MGAT5B: variants seen among roughly 807,000 people sequenced by gnomAD.
MGAT5B encodes N-acetylglucosaminyl-transferase Vb.
Under a neutral mutation model 95.1 loss-of-function variants are expected in MGAT5B, and 54 were observed. The ratio of observed to expected loss-of-function variants is 0.57; its 90% confidence interval spans 0.46 to 0.71. The LOEUF is 0.71. MGAT5B is among the 30% of genes least tolerant of loss of function. The probability of loss-of-function intolerance (pLI) is 0.00; values close to 1 mark genes in which losing one functional copy is unlikely to be tolerated. For synonymous variants in MGAT5B, 464 were observed against 451.0 expected, an observed-to-expected ratio of 1.03 and a Z score of -0.36; for missense variants, 935 against 1,088.6, an observed-to-expected ratio of 0.86 and a Z score of 1.99.
rs1969814002 is a variant in MGAT5B, at chr17:76,940,107, A to G, written c.1585-295A>G. Among the ~76,000 whole-genome samples the G allele has an allele frequency of 6.6e-6, 1 of 152,172 alleles. No individual in the cohort carries two copies. The highest frequency in any genetic ancestry group is 2.1e-4 in the South Asian group (1 of 4,828). On this transcript the variant is annotated intron_variant, in intron 13 of 17. Transcript: ENST00000569840. The surrounding 1 kb of genome is among the most constrained non-coding windows in gnomAD (Gnocchi z 4.3). ...CTTCCTCCCTCCACAATCATAAATC[A>G]TAGCCTGATAGAGCAAGAAGAGACC...
chr17:76,899,461 T>C (rs1245790422), intron 3 of MGAT5B, among the ~76,000 whole-genome samples: 1 of 152,062 alleles, frequency 6.6e-6, no homozygotes, highest in African/African-American at 2.4e-5. Flanking sequence ...CTGGGCAATA[T>C]ATTTTCTACA....
intron 4 of MGAT5B, among the ~76,000 whole-genome samples, chr17:76,903,042 G>A (rs117928877): frequency 2.8e-4 from 43 of 152,256 alleles, no homozygotes; most frequent in African/African-American, 9.1e-4. Flanking sequence ...GGATGCTTTC[G>A]GGTGGGTGCA....
rs778258289 is a variant in MGAT5B, at chr17:76,925,012, C to G, written c.1072C>G (p.Pro358Ala). The G allele has an allele frequency of 1.9e-6, 3 of 1,603,690 alleles. No homozygotes were observed. The South Asian group carries it at 3.3e-5, about 18-fold the overall frequency. The change falls in exon 9 of 18, where the codon CCC (proline) becomes GCC (alanine). Residue 358 changes from proline to alanine, a missense_variant. Physicochemically the swap from Pro to Ala is conservative, Grantham distance 27. This residue lies in a region of MGAT5B where 243 missense variants were observed against 305.5 expected (regional missense o/e 0.80). Transcript: ENST00000569840. ...PGRGSCPLTM[P>A]LPFDLIYTDY... ...CCGGGGAAGCTGCCCGCTCACCATG[C>G]CCCTGCCCTTCGACCTCATCTACAC...
At chr17:76,885,700 A>G (rs1329799346) in intron 3 of MGAT5B, among the ~76,000 whole-genome samples, 3 of 152,194 alleles carry the variant, frequency 2.0e-5, no homozygotes, top group Non-Finnish European at 2.9e-5. Context: ...CAGAGCCATC[A>G]ATTTCAGGGA....
Position 76,902,566 on chromosome 17 carries a change from G to A in MGAT5B, c.341G>A (p.Gly114Glu), listed in dbSNP as rs202181824. 2 of 1,593,184 alleles carry A rather than the reference G, an allele frequency of 1.3e-6. No homozygotes were observed. The highest frequency in any genetic ancestry group is 2.7e-5 in the African/African-American group (2 of 74,460). The change falls in exon 4 of 18, where the codon GGG becomes GAG. Residue 114 changes from glycine to glutamate, a missense_variant. Around this residue, in one of 4 missense-constraint regions of MGAT5B, gnomAD observed 243 missense variants for 228.2 expected, o/e 1.06. Transcript: ENST00000569840. ...LHFPADRMPPGAGLMERIQAI... is the reference protein window; with the variant it reads ...LHFPADRMPPEAGLMERIQAI... Reference sequence around the variant, plus strand: ...CTTTTCCCACTTAGGATGCCCCCTGGGGCCGGCCTCATGGAGCGGATCCAG... The same window carrying A: ...CTTTTCCCACTTAGGATGCCCCCTGAGGCCGGCCTCATGGAGCGGATCCAG...
Position 76,906,073 on chromosome 17 carries a change from G to A in MGAT5B, c.911G>A (p.Arg304Gln). The A allele has an allele frequency of 5.6e-6, 9 of 1,609,058 alleles. No individual in the cohort carries two copies. The highest frequency in any genetic ancestry group is 1.3e-5 in the African/African-American group (1 of 74,442). Residue 304 changes from arginine to glutamine, a missense_variant, in exon 8 of 18, where the codon CGG becomes CAG. Transcript: ENST00000569840. This position sits in a 1 kb window ranked among gnomAD's most constrained non-coding sequence, Gnocchi z 4.6. ...TEESGDVFSPRVLKGGPLGEM... is the reference protein window; with the variant it reads ...TEESGDVFSPQVLKGGPLGEM... ...GAGTCCGGGGACGTGTTCAGCCCTCGGGTCCTGAAGGGCGGGCCCCTAGGG... is the reference window on the plus strand; with the variant it reads ...GAGTCCGGGGACGTGTTCAGCCCTCAGGTCCTGAAGGGCGGGCCCCTAGGG...
intron 10 of MGAT5B, among the ~76,000 whole-genome samples, chr17:76,932,085 T>TCCC (rs34615968): frequency 1.1e-4 from 13 of 121,976 alleles, no homozygotes; most frequent in African/African-American, 2.9e-4. Flanking sequence ...CTCCTCCTCC[T>TCCC]CCCCCCCCCC....
At position 76,918,175 on chromosome 17, in the gene MGAT5B, C is replaced by T. The variant is rs1969003661; in HGVS notation, c.1026-6791C>T. 7.0e-6 allele frequency among the ~76,000 whole-genome samples: 1 copy of T among 143,486 alleles called. No homozygotes were observed. The highest frequency in any genetic ancestry group is 2.8e-5 in the African/African-American group (1 of 36,198). The allele number at this position is 143,486 out of a possible 152,430, so 94.1% of individuals were successfully genotyped here. On this transcript the variant is annotated intron_variant, in intron 8 of 17. Transcript: ENST00000569840. The surrounding 1 kb of genome is among the most constrained non-coding windows in gnomAD (Gnocchi z 5.1). ...TACGCTGCTCCCTCAGTTTCCCTTT[C>T]GGAGGCTCCCCCCCAACAACTGCAC...
chr17:76,911,648 G>A (rs1000463517), intron 8 of MGAT5B, among the ~76,000 whole-genome samples: 2 of 152,256 alleles, frequency 1.3e-5, no homozygotes, highest in African/African-American at 4.8e-5. Context: ...GGCGGGGTCA[G>A]TGACAGATGT....
intron 1 of MGAT5B, among the ~76,000 whole-genome samples, chr17:76,872,185 G>A (rs1967034079): frequency 6.6e-6 from 1 of 152,166 alleles, no homozygotes; most frequent in African/African-American, 2.4e-5. Context: ...GGGGAGATGT[G>A]TGTTGGGGGG....
intron 13 of MGAT5B, among the ~76,000 whole-genome samples, chr17:76,939,650 A>T (rs1297006910): frequency 6.6e-6 from 1 of 152,120 alleles, no homozygotes; most frequent in Non-Finnish European, 1.5e-5. Flanking sequence ...CCAGTAGTTA[A>T]TTCTTCCGTC....
rs191845705 is a variant in MGAT5B, at chr17:76,917,577, G to A, written c.1026-7389G>A. 5.9e-5 allele frequency among the ~76,000 whole-genome samples: 9 copies of A among 152,258 alleles called. No homozygotes were observed. The highest frequency in any genetic ancestry group is 7.4e-5 in the Non-Finnish European group (5 of 68,026). ...CTGCTTTTTCCTCGGCATCTCTAGC[G>A]TGGAGCCAGCGGCCCTCAATATCCG... On this transcript the variant is annotated intron_variant, in intron 8 of 17. Coordinates refer to ENST00000569840, the MANE Select transcript of MGAT5B (RefSeq NM_001199172.2). The surrounding 1 kb of genome is among the most constrained non-coding windows in gnomAD (Gnocchi z 6.1).
Position 76,904,235 on chromosome 17 carries a change from C to T in MGAT5B, c.520-17C>T, listed in dbSNP as rs1315789941. 2 of 1,596,282 alleles carry T rather than the reference C, an allele frequency of 1.3e-6. No individual in the cohort carries two copies. The highest frequency in any genetic ancestry group is 1.7e-6 in the Non-Finnish European group (2 of 1,173,056). ...GGGGCTGGCGCAGCCCCCTGCCCAG[C>T]CTGGCCCTCTCTGCAGTGGATGCGT... On this transcript the variant is annotated splice_polypyrimidine_tract_variant and intron_variant, in intron 5 of 17. Coordinates refer to ENST00000569840, the MANE Select transcript of MGAT5B (RefSeq NM_001199172.2).
rs1968864903 is a variant in MGAT5B, at chr17:76,914,698, G to A, written c.1025+8511G>A. 6.6e-6 allele frequency among the ~76,000 whole-genome samples: 1 copy of A among 151,940 alleles called. No individual in the cohort carries two copies. Among genetic ancestry groups the A allele is most frequent in the Non-Finnish European group, 1.5e-5 (1 of 68,010 alleles). On this transcript the variant is annotated intron_variant, in intron 8 of 17. Coordinates refer to ENST00000569840, the MANE Select transcript of MGAT5B (RefSeq NM_001199172.2). The surrounding 1 kb of genome is among the most constrained non-coding windows in gnomAD (Gnocchi z 5.1). ...CCTGTCCCCCAGCTGGAGCGCAGTG[G>A]CGCAGTCTCGGCTCACTGCATCCTC... is the stretch of plus-strand genomic sequence containing the variant.
chr17:76,921,150 G>T (rs1023072935), intron 8 of MGAT5B, among the ~76,000 whole-genome samples: 4 of 152,168 alleles, frequency 2.6e-5, no homozygotes, highest in Non-Finnish European at 5.9e-5. Flanking sequence ...GAGTCTTCTA[G>T]ACCCAGGGAA....
chr17:76,913,841 C>T (rs574023742), intron 8 of MGAT5B: 96 of 454,778 alleles, frequency 2.1e-4, no homozygotes, highest in African/African-American at 1.6e-3. Flanking sequence ...CTGGGTGGGG[C>T]GGCTCACTCC....
chr17:76,944,728 C>T (rs1218800252), intron 15 of MGAT5B, among the ~76,000 whole-genome samples: 2 of 152,230 alleles, frequency 1.3e-5, no homozygotes, highest in Non-Finnish European at 2.9e-5. Flanking sequence ...ACATCAGTGA[C>T]TGCCGCTTCC....
Position 76,925,140 on chromosome 17 carries a change from G to C in MGAT5B, c.1157+43G>C. 2 of 1,608,008 alleles carry C rather than the reference G, an allele frequency of 1.2e-6. 1 individual carries two copies. Among genetic ancestry groups the C allele is most frequent in the South Asian group, 2.2e-5 (2 of 90,874 alleles). On this transcript the variant is annotated intron_variant, in intron 9 of 17. Transcript: ENST00000569840. ...GGGTGGGCACGTGGCCCACATGCCA[G>C]GGGAGAAAGCTCCTCCTTCACGCCC...
At position 76,904,812 on chromosome 17, in the gene MGAT5B, G is replaced by T. The variant is rs115315166; in HGVS notation, c.691-357G>T. Among the ~76,000 whole-genome samples the T allele has an allele frequency of 2.4e-3, 369 of 152,344 alleles. 3 individuals carry two copies. Among genetic ancestry groups the T allele is most frequent in the African/African-American group, 8.4e-3 (351 of 41,576 alleles). On this transcript the variant is annotated intron_variant, in intron 6 of 17. Transcript: ENST00000569840. ...ATCTGAGGTTTACAATTGAATTAATGGGTTCGAGGCGCATAGTTGCTGTGG... is the reference window on the plus strand; with the variant it reads ...ATCTGAGGTTTACAATTGAATTAATTGGTTCGAGGCGCATAGTTGCTGTGG...
Sources: allele counts gnomAD v4.1 joint callset (sites outside exome capture counted in the v4.1 genomes callset), GRCh38; gene constraint gnomAD v4.1.1; regional missense constraint gnomAD v4.1.1; non-coding constraint Gnocchi (gnomAD v3.1); transcripts MANE v1.5; gene names NCBI Gene and HGNC (gene_info 2026-07-23, HGNC 2026-07-21).